IGFN1: variants seen among roughly 807,000 people sequenced by gnomAD.
IGFN1 encodes the protein immunoglobulin like and fibronectin type III domain containing 1, also known as immunoglobulin-like and fibronectin type III domain-containing protein 1.
IGFN1 carries 253 observed loss-of-function variants against 289.5 expected under a neutral mutation model. The ratio of observed to expected loss-of-function variants is 0.87; its 90% CI spans 0.79 to 0.97. IGFN1 has a LOEUF of 0.97. Ranked by LOEUF, IGFN1 falls within the 50% of genes least tolerant of loss-of-function variation. IGFN1 has a pLI of 0.00. For synonymous variants in IGFN1, 1,706 were observed against 1,788.5 expected, an observed-to-expected ratio of 0.95 and a Z score of 1.16; for missense variants, 4,470 against 4,686.1, an observed-to-expected ratio of 0.95 and a Z score of 1.35.
In IGFN1 at chr1:201,206,740, A is replaced by G. The variant is rs1667443964; in HGVS notation, c.1847A>G (p.Asp616Gly). Residue 616 changes from aspartate to glycine, a missense_variant, in exon 12 of 24, where the codon GAT becomes GGT. By Grantham distance (94) the Asp-to-Gly change is moderately conservative (BLOSUM62 -1). This residue lies in a region of IGFN1 where 2,011 missense variants were observed against 1,953.4 expected (regional missense o/e 1.03). Coordinates refer to ENST00000335211, the MANE Select transcript of IGFN1 (RefSeq NM_001164586.2). ...GKSDLQGCQS[D>G]PVGSWPRGKQ... Reference sequence around the variant, plus strand: ...AGCGACCTGCAGGGATGCCAGTCTGATCCTGTAGGGTCCTGGCCAAGAGGA... The same window carrying G: ...AGCGACCTGCAGGGATGCCAGTCTGGTCCTGTAGGGTCCTGGCCAAGAGGA... 2.6e-6 allele frequency: 4 copies of G among 1,536,822 alleles called. No individual in the cohort carries two copies. The highest frequency in any genetic ancestry group is 3.5e-6 in the Non-Finnish European group (4 of 1,146,898).
chr1:201,208,543 G>A lies in IGFN1; in HGVS notation c.3650G>A (p.Gly1217Glu), dbSNP rs144973206. The change falls in exon 12 of 24, where the codon GGA becomes GAA. Residue 1217 changes from glycine to glutamate, a missense_variant. By Grantham distance (98) the Gly-to-Glu change is moderately conservative. This residue lies in a region of IGFN1 where 2,011 missense variants were observed against 1,953.4 expected (regional missense o/e 1.03). Transcript: ENST00000335211. ...GGCAATGTGCTGGGTTATGAGGATGGATCAGAACTTCCAGGGCCTCAGGGA... is the reference window on the plus strand; with the variant it reads ...GGCAATGTGCTGGGTTATGAGGATGAATCAGAACTTCCAGGGCCTCAGGGA... Reference protein sequence around the residue: ...GAGNVLGYEDGSELPGPQGTG... With the variant: ...GAGNVLGYEDESELPGPQGTG... The A allele has an allele frequency of 5.1e-4, 741 of 1,463,068 alleles. 7 individuals are homozygous for A. In the African/African-American group the frequency reaches 8.9e-3, roughly 18 times the overall value. 90.6% of individuals were successfully genotyped at this position (1,463,068 alleles called of 1,614,324 possible).
chr1:201,226,771 T>C, intron 22 of IGFN1, 111 bp from the exon 23 acceptor site: 1 of 808,552 alleles, frequency 1.2e-6, no homozygotes, highest in Non-Finnish European at 2.0e-6. Context: ...TGGCAGGAAA[T>C]CCCAGATAAG....
Position 201,216,627 on chromosome 1 carries a change from G to A in IGFN1, c.9469G>A (p.Asp3157Asn). Residue 3157 changes from aspartate to asparagine, a missense_variant, in exon 16 of 24, where the codon GAC becomes AAC. Transcript: ENST00000335211. ...GCTGAAGGTGGGCGAGGCCCCCGCT[G>A]ACAGCACCACCTTCACGGATGCCCA... ...TWLKVGEAPA[D>N]STTFTDAHVE... 6.2e-7 allele frequency: 1 copy of A among 1,613,976 alleles called. No homozygotes were observed. The highest frequency in any genetic ancestry group is 1.1e-5 in the South Asian group (1 of 91,084).
Position 201,213,023 on chromosome 1 carries a change from A to C in IGFN1, c.8130A>C (p.Ser2710=), listed in dbSNP as rs200573541. The C allele has an allele frequency of 2.1e-4, 326 of 1,551,568 alleles. No individual in the cohort carries two copies. Among genetic ancestry groups the C allele is most frequent in the Admixed American group, 5.3e-4 (27 of 50,996 alleles). ...GCAGTTCTGTTGATGCAGAGGACTCAGGTATCCTGGGCAAGGGGAATTCTA... is the reference window on the plus strand; with the variant it reads ...GCAGTTCTGTTGATGCAGAGGACTCCGGTATCCTGGGCAAGGGGAATTCTA... The part of the protein sequence containing the change: ...GRGSSVDAED[S]GILGKGNSTE... The change falls in exon 12 of 24, where the codon TCA becomes TCC. Residue 2710 remains serine, a synonymous_variant. Transcript: ENST00000335211.
Position 201,197,296 on chromosome 1 carries a change from G to T in IGFN1, c.346G>T (p.Val116Leu), listed in dbSNP as rs781496563. The T allele has an allele frequency of 3.1e-5, 48 of 1,550,976 alleles. No individual in the cohort carries two copies. The South Asian group carries it at 5.4e-4, about 17-fold the overall frequency. Residue 116 changes from valine to leucine, a missense_variant, in exon 5 of 24, where the codon GTG becomes TTG. Val to Leu is a conservative substitution (Grantham distance 32). Around this residue, in one of 8 missense-constraint regions of IGFN1, gnomAD observed 2,011 missense variants for 1,953.4 expected, o/e 1.03. Transcript: ENST00000335211. ...VNAYGEAACS[V>L]RLTVIEVGFR... The stretch of plus-strand genomic sequence containing the variant: ...TGCGTACGGAGAGGCCGCTTGCTCA[G>T]TGAGACTCACTGTCATCGAAGGTGG...
chr1:201,192,391 C>T (rs1666697203), intron 1 of IGFN1, among the ~76,000 whole-genome samples: 1 of 152,176 alleles, frequency 6.6e-6, no homozygotes, highest in South Asian at 2.1e-4. Context: ...CAAGACATCC[C>T]CCCTCCCTGA....
At chr1:201,204,522 TG>T (rs987125770) in intron 10 of IGFN1, among the ~76,000 whole-genome samples, 1 of 151,762 alleles carries the variant, frequency 6.6e-6, no homozygotes, top group Non-Finnish European at 1.5e-5. Context: ...GAATCAAAGT[TG>T]GGGGAGAAAA....
At chr1:201,213,825 G>T (rs1028010060) in intron 12 of IGFN1, among the ~76,000 whole-genome samples, 1 of 152,162 alleles carries the variant, frequency 6.6e-6, no homozygotes, top group Non-Finnish European at 1.5e-5. Context: ...CCTGTGAGAG[G>T]CTCAGAGGTC....
rs1340675129 is a variant in IGFN1, at chr1:201,208,844, G to A, written c.3951G>A (p.Gly1317=). The A allele has an allele frequency of 1.3e-6, 2 of 1,536,610 alleles. No homozygotes were observed. The highest frequency in any genetic ancestry group is 1.7e-6 in the Non-Finnish European group (2 of 1,146,768). The change falls in exon 12 of 24, where the codon GGG becomes GGA. Residue 1317 remains glycine (G), a synonymous_variant. Transcript: ENST00000335211. ...GTGTAGGGGGTTCTGGGGCAATGGGGTCAATGGATGAAGCAGGTTATAGGA... is the reference window on the plus strand; with the variant it reads ...GTGTAGGGGGTTCTGGGGCAATGGGATCAATGGATGAAGCAGGTTATAGGA... ...RDGVGGSGAM[G]SMDEAGYRKD...
chr1:201,202,218 G>A (rs567600708), intron 9 of IGFN1, among the ~76,000 whole-genome samples: 95 of 152,132 alleles, frequency 6.2e-4, no homozygotes, highest in Non-Finnish European at 1.1e-3. Context: ...CCAGATGGGG[G>A]CAGAGGCAGG....
chr1:201,221,042 CAG>C (rs772491057), intron 18 of IGFN1, among the ~76,000 whole-genome samples: 174 of 152,304 alleles, frequency 1.1e-3, no homozygotes, highest in Non-Finnish European at 2.0e-3. Flanking sequence ...ACCCAGAAGG[CAG>C]AGTCGTGACT....
At position 201,207,943 on chromosome 1, in the gene IGFN1, G is replaced by A; in HGVS notation, c.3050G>A (p.Gly1017Glu). ...GGYRHGSGAP[G>E]GVWSGNEDSG... is the part of the protein sequence containing the mutation. Reference sequence around the variant, plus strand: ...TACAGGCATGGCTCCGGAGCGCCTGGGGGAGTGTGGTCTGGAAATGAAGAT... The same window carrying A: ...TACAGGCATGGCTCCGGAGCGCCTGAGGGAGTGTGGTCTGGAAATGAAGAT... Residue 1017 changes from glycine (G) to glutamate (E), a missense_variant, in exon 12 of 24, where the codon GGG (glycine) becomes GAG (glutamate). This residue lies in a region of IGFN1 where 2,011 missense variants were observed against 1,953.4 expected (regional missense o/e 1.03). Transcript: ENST00000335211. The A allele has an allele frequency of 1.3e-6, 2 of 1,536,886 alleles. No homozygotes were observed. The highest frequency in any genetic ancestry group is 1.7e-6 in the Non-Finnish European group (2 of 1,146,830).
At chr1:201,191,048 G>A (rs1666636994) in intron 1 of IGFN1, 141 bp downstream of exon 1, 1 of 152,348 alleles carries the variant, frequency 6.6e-6, no homozygotes, top group African/African-American at 2.4e-5. Flanking sequence ...TCCCTGGCTG[G>A]CGGATCACAC....
In IGFN1 at chr1:201,215,798, G is replaced by C; in HGVS notation, c.9255G>C (p.Glu3085Asp). ...AGTACAGCGTGACACTGAGGAGTGA[G>C]GGAGGCTCTGTGCAGGCCGAGCTCA... ...CGQYSVTLRS[E>D]GGSVQAELTL... is the part of the protein sequence containing the mutation. The change falls in exon 15 of 24, where the codon GAG (glutamate) becomes GAC (aspartate). Residue 3085 changes from glutamate (E) to aspartate (D), a missense_variant. This residue lies in a region of IGFN1 where 2,218 missense variants were observed against 2,114.1 expected (regional missense o/e 1.05). Coordinates refer to ENST00000335211, the MANE Select transcript of IGFN1 (RefSeq NM_001164586.2). The C allele has an allele frequency of 6.3e-7, 1 of 1,597,154 alleles. No individual in the cohort carries two copies.
intron 18 of IGFN1, among the ~76,000 whole-genome samples, chr1:201,220,328 A>C (rs1653651824): frequency 6.6e-6 from 1 of 152,134 alleles, no homozygotes; most frequent in Non-Finnish European, 1.5e-5. Context: ...AACTATGAGC[A>C]TGTGCCACCA....
At position 201,212,870 on chromosome 1, in the gene IGFN1, C is replaced by T. The variant is rs548137069; in HGVS notation, c.7977C>T (p.Ala2659=). The T allele has an allele frequency of 2.8e-5, 43 of 1,551,166 alleles. No homozygotes were observed. The East Asian group carries it at 3.4e-4, about 12-fold the overall frequency. Residue 2659 remains alanine, a synonymous_variant, in exon 12 of 24, where the codon GCC becomes GCT. Transcript: ENST00000335211. ...CCGGTTCTCTGCAGGAGAAAGATGC[C>T]GCTTTTGGTGGGACCCATGAAGGGC... The part of the protein sequence containing the change: ...RASGSLQEKD[A]AFGGTHEGPG...
In IGFN1 at chr1:201,213,122, T is replaced by C; in HGVS notation, c.8229T>C (p.Gly2743=). The change falls in exon 12 of 24, where the codon GGT becomes GGC. Residue 2743 remains glycine, a synonymous_variant. Coordinates refer to ENST00000335211, the MANE Select transcript of IGFN1 (RefSeq NM_001164586.2). ...GPQGAWNGLD[G]PFGRKASRDR... ...AGGGAGCCTGGAATGGCTTAGATGG[T>C]CCCTTTGGCAGAAAAGCCTCTAGAG... is the stretch of plus-strand genomic sequence containing the variant. The C allele has an allele frequency of 1.3e-6, 2 of 1,551,510 alleles. No homozygotes were observed. Among genetic ancestry groups the C allele is most frequent in the African/African-American group, 1.4e-5 (1 of 73,092 alleles).
chr1:201,200,456 C>T (rs1667103631), intron 8 of IGFN1, 45 bp downstream of exon 8: 1 of 1,477,616 alleles, frequency 6.8e-7, no homozygotes, highest in African/African-American at 1.4e-5. Flanking sequence ...CCACCCCACA[C>T]ACCTGGACCA....
intron 18 of IGFN1, among the ~76,000 whole-genome samples, chr1:201,218,927 C>A (rs1442275459): frequency 1.3e-5 from 2 of 151,964 alleles, no homozygotes; most frequent in South Asian, 2.1e-4. Context: ...AATCCTGGCA[C>A]TTTGGGAGGC....
Sources: gnomAD v4.1 joint callset for allele counts (sites outside exome capture counted in the v4.1 genomes callset) on GRCh38, gnomAD v4.1.1 for gene constraint, gnomAD v4.1.1 regional missense constraint, MANE v1.5 for transcripts, NCBI Gene and HGNC (gene_info 2026-07-23, HGNC 2026-07-21) for gene names.